Variants in LGSN observed in about 807,000 individuals in gnomAD.
LGSN encodes lengsin.
LGSN carries 21 observed loss-of-function variants against 19.5 expected under a neutral mutation model. The observed-to-expected ratio is 1.07, with a 90% confidence interval of 0.76 to 1.55. The LOEUF (loss-of-function observed/expected upper bound fraction) is 1.55. Among genes scored for constraint, LGSN ranks in the 40% most tolerant of loss-of-function variants. The pLI is 0.00. For missense variants in LGSN, 673 were observed against 608.5 expected (o/e 1.11, Z -1.12); for synonymous variants, 257 against 215.6 (o/e 1.19, Z -1.68).
At chr6:63,409,909 G>A in the LGSN span, among the ~76,000 whole-genome samples, 1 of 152,184 alleles carries the variant, frequency 6.6e-6, no homozygotes, top group South Asian at 2.1e-4. Context: ...GGTGGTGGGT[G>A]CCTGTAATCC....
At chr6:63,551,548 T>A in the LGSN span, among the ~76,000 whole-genome samples, 4,416 of 152,334 alleles carry the variant, frequency 0.029, 80 homozygotes, top group Middle Eastern at 0.044. Flanking sequence ...TCATTTTTTT[T>A]AATTATACTT....
the LGSN span, among the ~76,000 whole-genome samples, chr6:63,494,571 C>A: frequency 3.3e-5 from 5 of 152,108 alleles, no homozygotes; most frequent in South Asian, 1.0e-3. Context: ...CTGAAAGGCA[C>A]ATTATCTAAT....
intron 2 of LGSN, among the ~76,000 whole-genome samples, chr6:63,286,938 G>T (rs999479908): frequency 6.6e-6 from 1 of 152,176 alleles, no homozygotes; most frequent in Non-Finnish European, 1.5e-5. Context: ...TGCATAAAGT[G>T]AGTACAATTA....
chr6:63,329,732 C>G, the LGSN span, among the ~76,000 whole-genome samples: 1 of 152,276 alleles, frequency 6.6e-6, no homozygotes, highest in South Asian at 2.1e-4. Flanking sequence ...TAACTTTTTC[C>G]CCATACTCAT....
the LGSN span, among the ~76,000 whole-genome samples, chr6:63,438,031 A>G: frequency 6.6e-6 from 1 of 152,202 alleles, no homozygotes; most frequent in African/African-American, 2.4e-5. Flanking sequence ...TTACTTTTTG[A>G]AATCTCACAG....
the LGSN span, among the ~76,000 whole-genome samples, chr6:63,417,748 A>C: frequency 1.3e-5 from 2 of 152,196 alleles, no homozygotes; most frequent in Non-Finnish European, 2.9e-5. Context: ...GGAGGAGGAA[A>C]ATGCTGGAAG....
At chr6:63,428,157 C>T in the LGSN span, among the ~76,000 whole-genome samples, 3 of 152,052 alleles carry the variant, frequency 2.0e-5, no homozygotes, top group Admixed American at 6.6e-5. Context: ...ATTAATAACA[C>T]CTCATAAAAA....
chr6:63,508,772 A>G, the LGSN span, among the ~76,000 whole-genome samples: 1 of 151,740 alleles, frequency 6.6e-6, no homozygotes, highest in African/African-American at 2.4e-5. Flanking sequence ...CAAAAAAATT[A>G]GGCGGGCGTG....
At chr6:63,340,436 C>A in the LGSN span, among the ~76,000 whole-genome samples, 1 of 152,114 alleles carries the variant, frequency 6.6e-6, no homozygotes, top group Non-Finnish European at 1.5e-5. Context: ...CTACATGTAA[C>A]ATAGGCTTTC....
the LGSN span, among the ~76,000 whole-genome samples, chr6:63,456,352 C>CATAT: frequency 3.4e-5 from 1 of 29,300 alleles, no homozygotes. Context: ...CAGAAATATA[C>CATAT]ATATATATAT....
chr6:63,513,399 G>A, the LGSN span, among the ~76,000 whole-genome samples: 1 of 134,740 alleles, frequency 7.4e-6, no homozygotes, highest in Non-Finnish European at 1.5e-5. Flanking sequence ...ACACACTGCT[G>A]CCCCAGATAA....
the LGSN span, among the ~76,000 whole-genome samples, chr6:63,482,962 A>G: frequency 1.3e-5 from 2 of 152,126 alleles, no homozygotes; most frequent in Non-Finnish European, 2.9e-5. Flanking sequence ...TGGCCTCCCA[A>G]AGTGCCGGGA....
chr6:63,521,392 A>G, the LGSN span, among the ~76,000 whole-genome samples: 6 of 152,286 alleles, frequency 3.9e-5, no homozygotes, highest in Middle Eastern at 3.4e-3. Flanking sequence ...TTTCTCCCCA[A>G]TCTAATTATT....
At chr6:63,531,077 G>A in the LGSN span, among the ~76,000 whole-genome samples, 1 of 152,166 alleles carries the variant, frequency 6.6e-6, no homozygotes, top group African/African-American at 2.4e-5. Context: ...TCTATATTGT[G>A]TGTCCAAAGA....
At chr6:63,337,417 C>T in the LGSN span, among the ~76,000 whole-genome samples, 1 of 151,742 alleles carries the variant, frequency 6.6e-6, no homozygotes, top group Non-Finnish European at 1.5e-5. Context: ...GTAGAGGTTA[C>T]AGTGAGCCAA....
chr6:63,365,196 T>A, the LGSN span, among the ~76,000 whole-genome samples: 19,824 of 151,842 alleles, frequency 0.13, 2,854 homozygotes, highest in African/African-American at 0.36. Context: ...CTAGCAAGAC[T>A]AATAAAGAAG....
the LGSN span, among the ~76,000 whole-genome samples, chr6:63,565,333 A>G: frequency 3.9e-5 from 6 of 152,178 alleles, no homozygotes; most frequent in Admixed American, 3.9e-4. Context: ...TTTGGAGACT[A>G]CCTAGACAAC....
chr6:63,498,867 T>C, the LGSN span, among the ~76,000 whole-genome samples: 1 of 152,000 alleles, frequency 6.6e-6, no homozygotes, highest in African/African-American at 2.4e-5. Context: ...ACCAAAGAGA[T>C]GTAGAAAGCA....
At chr6:63,551,214 C>T in the LGSN span, among the ~76,000 whole-genome samples, 81 of 151,974 alleles carry the variant, frequency 5.3e-4, 1 homozygote, top group Middle Eastern at 6.8e-3. Context: ...TACAGGGGCG[C>T]GCCACCACAC....
Sources: gnomAD v4.1 joint callset for allele counts (sites outside exome capture counted in the v4.1 genomes callset) on GRCh38, gnomAD v4.1.1 for gene constraint, MANE v1.5 for transcripts, NCBI Gene and HGNC (gene_info 2026-07-23, HGNC 2026-07-21) for gene names.